GPRC5B: variants seen among roughly 807,000 people sequenced by gnomAD.
The protein encoded by GPRC5B is G protein-coupled receptor family C group 5 member B.
GPRC5B carries 16 observed loss-of-function variants against 30.1 expected under a neutral mutation model. The observed-to-expected ratio is 0.53, with a 90% CI of 0.36 to 0.81. The LOEUF (loss-of-function observed/expected upper bound fraction) is 0.81. Among genes scored for constraint, GPRC5B ranks in the 30% least tolerant of loss-of-function variants. The pLI is 0.01. For synonymous variants in GPRC5B, 241 were observed against 239.5 expected (o/e 1.01, Z -0.06); for missense variants, 428 against 544.7 (o/e 0.79, Z 2.13).
At position 19,857,625 on chromosome 16, in the gene GPRC5B, A is replaced by G; in HGVS notation, c.*2875T>C. 2 of 297,340 alleles carry G rather than the reference A, an allele frequency of 6.7e-6. No individual in the cohort carries two copies. Among genetic ancestry groups the G allele is most frequent in the Non-Finnish European group, 1.3e-5 (2 of 157,450 alleles). 18.4% of individuals were successfully genotyped at this position (297,340 alleles called of 1,614,324 possible). A position where few individuals can be genotyped will look rare whatever the true frequency, so the allele number is the denominator to read the frequency against. Reference sequence around the variant, plus strand: ...TATCATCATTGCATCATTGGATTATAAAAGCCACAATGCTCCCTTTCAACT... The same window carrying G: ...TATCATCATTGCATCATTGGATTATGAAAGCCACAATGCTCCCTTTCAACT... On this transcript the variant is annotated 3_prime_UTR_variant, in exon 4 of 4. Transcript: ENST00000300571.
In GPRC5B at chr16:19,872,421, C is replaced by G. The variant is rs2056729021; in HGVS notation, c.425G>C (p.Ser142Thr). ...LFALCFSCLL[S>T]QAWRVRRLVR... ...CAGCCTCCGCACGCGCCATGCCTGGCTCAGCAGGCAGGAGAAGCAGAGCGC... is the reference window on the plus strand; with the variant it reads ...CAGCCTCCGCACGCGCCATGCCTGGGTCAGCAGGCAGGAGAAGCAGAGCGC... Residue 142 changes from serine (S) to threonine (T), a missense_variant, in exon 2 of 4, where the codon AGC (serine) becomes ACC (threonine). Physicochemically the swap from Ser to Thr is moderately conservative, Grantham distance 58 (BLOSUM62 1). Around this residue, in one of 3 missense-constraint regions of GPRC5B, gnomAD observed 196 missense variants for 272.6 expected, o/e 0.72. Transcript: ENST00000300571. This position sits in a 1 kb window ranked among gnomAD's most constrained non-coding sequence, Gnocchi z 5.0. 1.2e-6 allele frequency: 2 copies of G among 1,613,562 alleles called. No individual in the cohort carries two copies. The highest frequency in any genetic ancestry group is 1.7e-5 in the Admixed American group (1 of 59,992).
intron 2 of GPRC5B, among the ~76,000 whole-genome samples, chr16:19,863,150 C>T (rs990586619): frequency 6.6e-6 from 1 of 150,822 alleles, no homozygotes; most frequent in African/African-American, 2.4e-5. Context: ...ATTTAATTTT[C>T]ATCGCACGAT....
At chr16:19,873,047 A>G (rs1019903887) in intron 1 of GPRC5B, among the ~76,000 whole-genome samples, 1 of 152,180 alleles carries the variant, frequency 6.6e-6, no homozygotes, top group Non-Finnish European at 1.5e-5. Flanking sequence ...GGCTGGGTGC[A>G]GTGAAGAACC....
At chr16:19,879,038 TC>T (rs2056782757) in intron 1 of GPRC5B, among the ~76,000 whole-genome samples, 1 of 151,554 alleles carries the variant, frequency 6.6e-6, no homozygotes, top group African/African-American at 2.4e-5. Flanking sequence ...CTCCTTCACC[TC>T]CCCACCCCAG....
chr16:19,865,520 C>G (rs558462084), intron 2 of GPRC5B, among the ~76,000 whole-genome samples: 10 of 152,336 alleles, frequency 6.6e-5, no homozygotes, highest in African/African-American at 2.4e-4. Context: ...CTTTATTATA[C>G]ATCATTTCAC....
upstream of GPRC5B, chr16:19,885,220 C>T: frequency 2.3e-6 from 3 of 1,288,774 alleles, no homozygotes; most frequent in Non-Finnish European, 3.0e-6. This position sits in a 1 kb window ranked among gnomAD's most constrained non-coding sequence, Gnocchi z 5.3. Context: ...GGTATCGCGA[C>T]CCAGGGGTCC....
intron 2 of GPRC5B, among the ~76,000 whole-genome samples, chr16:19,869,554 A>G (rs188797695): frequency 6.6e-6 from 1 of 152,174 alleles, no homozygotes; most frequent in East Asian, 1.9e-4. Flanking sequence ...AAGTATCAAT[A>G]GCAGGGGATT....
chr16:19,884,727 C>G lies in GPRC5B; in HGVS notation c.-2G>C. 7.1e-6 allele frequency: 7 copies of G among 985,190 alleles called. No homozygotes were observed. The highest frequency in any genetic ancestry group is 8.4e-6 in the Non-Finnish European group (7 of 829,820). 61.0% of individuals were successfully genotyped at this position (985,190 alleles called of 1,614,324 possible). On this transcript the variant is annotated splice_region_variant and 5_prime_UTR_variant, in exon 1 of 4. Transcript: ENST00000300571. ...CTGCATCGGCGCAGCTCGCACTTACCGACCCCCGCGGCCCCGCAGCGCCGA... is the reference window on the plus strand; with the variant it reads ...CTGCATCGGCGCAGCTCGCACTTACGGACCCCCGCGGCCCCGCAGCGCCGA...
At position 19,858,490 on chromosome 16, in the gene GPRC5B, G is replaced by T. The variant is rs1383865171; in HGVS notation, c.*2010C>A. ...GAACGTGTGAATTGCTCCATCGTGT[G>T]AATGGTATCAGAAAGCTCCAAAGGA... On this transcript the variant is annotated 3_prime_UTR_variant, in exon 4 of 4. Coordinates refer to ENST00000300571, the MANE Select transcript of GPRC5B (RefSeq NM_016235.3). The T allele has an allele frequency of 7.2e-6, 5 of 692,360 alleles. No homozygotes were observed. Among genetic ancestry groups the T allele is most frequent in the Non-Finnish European group, 1.3e-5 (5 of 380,400 alleles). The allele number at this position is 692,360 out of a possible 1,614,324, so 42.9% of individuals were successfully genotyped here.
At chr16:19,873,145 C>T (rs1407005604) in intron 1 of GPRC5B, among the ~76,000 whole-genome samples, 1 of 152,064 alleles carries the variant, frequency 6.6e-6, no homozygotes, top group African/African-American at 2.4e-5. Flanking sequence ...GAATTGGATA[C>T]TCTGTGCCAC....
At chr16:19,885,095 G>A, upstream of GPRC5B, 1 of 857,488 alleles carries the variant, frequency 1.2e-6, no homozygotes, top group East Asian at 7.3e-5. This position sits in a 1 kb window ranked among gnomAD's most constrained non-coding sequence, Gnocchi z 5.3. Context: ...CCCAATTCGG[G>A]GACATTCCCC....
At position 19,872,665 on chromosome 16, in the gene GPRC5B, C is replaced by T; in HGVS notation, c.181G>A (p.Ala61Thr). The part of the protein sequence containing the change: ...LDAIWGIVVE[A>T]VAGAGALITL... ...ATCAGGGCGCCCGCCCCGGCCACCGCCTCCACCACAATGCCCCAGATGGCG... is the reference window on the plus strand; with the variant it reads ...ATCAGGGCGCCCGCCCCGGCCACCGTCTCCACCACAATGCCCCAGATGGCG... The change falls in exon 2 of 4, where the codon GCG becomes ACG. Residue 61 changes from alanine (A) to threonine (T), a missense_variant. Coordinates refer to ENST00000300571, the MANE Select transcript of GPRC5B (RefSeq NM_016235.3). This position sits in a 1 kb window ranked among gnomAD's most constrained non-coding sequence, Gnocchi z 5.0. 6.2e-7 allele frequency: 1 copy of T among 1,614,136 alleles called. No individual in the cohort carries two copies. Among genetic ancestry groups the T allele is most frequent in the Non-Finnish European group, 8.5e-7 (1 of 1,180,006 alleles).
chr16:19,858,579 C>A lies in GPRC5B; in HGVS notation c.*1921G>T, dbSNP rs1439580383. 1 of 664,372 alleles carries A rather than the reference C, an allele frequency of 1.5e-6. No individual in the cohort carries two copies. 41.2% of individuals were successfully genotyped at this position (664,372 alleles called of 1,614,324 possible). On this transcript the variant is annotated 3_prime_UTR_variant, in exon 4 of 4. Transcript: ENST00000300571. Reference sequence around the variant, plus strand: ...AGAATGTGTAATGCTGTCGTTTTTTCACCGGACAGGACCGAGGTGTTTGAA... The same window carrying A: ...AGAATGTGTAATGCTGTCGTTTTTTAACCGGACAGGACCGAGGTGTTTGAA...
chr16:19,872,025 A>T lies in GPRC5B; in HGVS notation c.821T>A (p.Ile274Asn). Residue 274 changes from isoleucine to asparagine, a missense_variant, in exon 2 of 4, where the codon ATC becomes AAC. Coordinates refer to ENST00000300571, the MANE Select transcript of GPRC5B (RefSeq NM_016235.3). The surrounding 1 kb of genome is among the most constrained non-coding windows in gnomAD (Gnocchi z 5.0). ...GDAWNDPTLA[I>N]TLAASGWVFV... ...GACCCAGCCGCTGGCCGCCAGCGTG[A>T]TGGCCAAGGTGGGGTCGTTCCAGGC... The T allele has an allele frequency of 6.2e-7, 1 of 1,614,008 alleles. No homozygotes were observed. The highest frequency in any genetic ancestry group is 8.5e-7 in the Non-Finnish European group (1 of 1,179,960).
At chr16:19,870,082 C>T (rs1319464082) in intron 2 of GPRC5B, among the ~76,000 whole-genome samples, 2 of 152,026 alleles carry the variant, frequency 1.3e-5, no homozygotes, top group African/African-American at 4.8e-5. Flanking sequence ...CCATAAAAAA[C>T]CAAAACCAAA....
chr16:19,863,129 C>T (rs2056640211), intron 2 of GPRC5B, among the ~76,000 whole-genome samples: 1 of 151,198 alleles, frequency 6.6e-6, no homozygotes, highest in South Asian at 2.1e-4. Context: ...TTCTTTCTTT[C>T]TTTTCAACTC....
Position 19,860,292 on chromosome 16 carries a change from G to A in GPRC5B, c.*208C>T. On this transcript the variant is annotated 3_prime_UTR_variant, in exon 4 of 4. Coordinates refer to ENST00000300571, the MANE Select transcript of GPRC5B (RefSeq NM_016235.3). ...GGTCTGGTATTACGTGTCTGTGTGT[G>A]TGGCAGGGGAGGGGCGGGCAGTCGG... 1.8e-6 allele frequency: 1 copy of A among 568,656 alleles called. No individual in the cohort carries two copies. The highest frequency in any genetic ancestry group is 3.1e-6 in the Non-Finnish European group (1 of 317,736). 35.2% of individuals were successfully genotyped at this position (568,656 alleles called of 1,614,324 possible).
intron 2 of GPRC5B, among the ~76,000 whole-genome samples, chr16:19,870,986 A>AT (rs2056712722): frequency 6.6e-6 from 1 of 152,062 alleles, no homozygotes; most frequent in Non-Finnish European, 1.5e-5. Flanking sequence ...GAAAAAAAAA[A>AT]AGCTTAATAA....
rs771810976 is a variant in GPRC5B, at chr16:19,872,456, G to A, written c.390C>T (p.Gly130=). The A allele has an allele frequency of 1.8e-5, 29 of 1,613,884 alleles. No homozygotes were observed. In the Admixed American group the frequency reaches 3.2e-4, roughly 18 times the overall value. The change falls in exon 2 of 4, where the codon GGC becomes GGT. Residue 130 remains glycine (G), a synonymous_variant. Transcript: ENST00000300571. The surrounding 1 kb of genome is among the most constrained non-coding windows in gnomAD (Gnocchi z 5.0). ...AGGAGAAGCAGAGCGCAAAGAGGAC[G>A]CCCCAGAGGAAGCGGCGGACAGAGC... ...TICSVRRFLW[G]VLFALCFSCL...
Sources: allele counts gnomAD v4.1 joint callset (sites outside exome capture counted in the v4.1 genomes callset), GRCh38; gene constraint gnomAD v4.1.1; regional missense constraint gnomAD v4.1.1; non-coding constraint Gnocchi (gnomAD v3.1); transcripts MANE v1.5; gene names NCBI Gene and HGNC (gene_info 2026-07-23, HGNC 2026-07-21).